The following MUC15 variants were observed in gnomAD, a reference collection of about 807,000 sequenced individuals.
MUC15 encodes mucin 15, cell surface associated.
A neutral mutation model predicts 24.0 loss-of-function variants in MUC15; 23 were observed. The observed-to-expected ratio is 0.96, with a 90% confidence interval of 0.69 to 1.36. The LOEUF (loss-of-function observed/expected upper bound fraction) is 1.36. Among genes scored for constraint, MUC15 ranks in the 40% most tolerant of loss-of-function variants. The probability of loss-of-function intolerance (pLI) is 0.00; values close to 1 mark genes in which losing one functional copy is unlikely to be tolerated. For synonymous variants in MUC15, 151 were observed against 156.3 expected (o/e 0.97, Z 0.25); for missense variants, 442 against 428.2 (o/e 1.03, Z -0.29).
At position 26,561,096 on chromosome 11, in the gene MUC15, T is replaced by C; in HGVS notation, c.1055A>G (p.Asp352Gly). 1 of 1,611,976 alleles carries C rather than the reference T, an allele frequency of 6.2e-7. No individual in the cohort carries two copies. Among genetic ancestry groups the C allele is most frequent in the Non-Finnish European group, 8.5e-7 (1 of 1,178,828 alleles). The change falls in exon 5 of 5, where the codon GAT (aspartate) becomes GGT (glycine). Residue 352 changes from aspartate (D) to glycine (G), a missense_variant. By Grantham distance (94) the Asp-to-Gly change is moderately conservative (BLOSUM62 -1). Transcript: ENST00000529533. ...EENARDGIPM[D>G]DIPPLRTSV ...AGAAGTACGAAGTGGAGGTATGTCATCCATAGGAATGCCATCACGTGCATT... is the reference window on the plus strand; with the variant it reads ...AGAAGTACGAAGTGGAGGTATGTCACCCATAGGAATGCCATCACGTGCATT...
intron 1 of MUC15, among the ~76,000 whole-genome samples, chr11:26,568,331 C>T (rs1850678223): frequency 1.3e-5 from 2 of 151,986 alleles, no homozygotes; most frequent in Non-Finnish European, 2.9e-5. Context: ...GGACACACAG[C>T]TAGTAACTGA....
intron 3 of MUC15, among the ~76,000 whole-genome samples, chr11:26,564,580 A>G (rs1189437953): frequency 1.3e-5 from 2 of 149,382 alleles, no homozygotes; most frequent in East Asian, 4.0e-4. Context: ...TAATCCTTAA[A>G]TGAAACATAA....
intron 1 of MUC15, among the ~76,000 whole-genome samples, chr11:26,570,381 C>T (rs747177093): frequency 6.6e-6 from 1 of 151,950 alleles, no homozygotes; most frequent in Non-Finnish European, 1.5e-5. Context: ...TTTTTGCTTC[C>T]TTTTAAATGC....
Position 26,565,760 on chromosome 11 carries a change from C to A in MUC15, c.180G>T (p.Gln60His), listed in dbSNP as rs1590549821. ...TTGTTTTAAAAACTTCTGCAATGTT[C>A]TGTGTTGTGTTTATGTCTTGATTTT... ...GKENQDINTT[Q>H]NIAEVFKTME... The change falls in exon 3 of 5, where the codon CAG (glutamine) becomes CAT (histidine). Residue 60 changes from glutamine (Q) to histidine (H), a missense_variant. By Grantham distance (24) the Gln-to-His change is conservative. Transcript: ENST00000529533. 6.2e-7 allele frequency: 1 copy of A among 1,613,292 alleles called. No individual in the cohort carries two copies. The highest frequency in any genetic ancestry group is 8.5e-7 in the Non-Finnish European group (1 of 1,179,536).
At position 26,561,056 on chromosome 11, in the gene MUC15, C is replaced by G. The variant is rs754657648; in HGVS notation, c.*9G>C. 18 of 1,599,444 alleles carry G rather than the reference C, an allele frequency of 1.1e-5. 1 individual carries two copies. In the South Asian group the frequency reaches 1.8e-4, roughly 16 times the overall value. On this transcript the variant is annotated 3_prime_UTR_variant, in exon 5 of 5. Coordinates refer to ENST00000529533, the MANE Select transcript of MUC15 (RefSeq NM_001135091.2). The stretch of plus-strand genomic sequence containing the variant: ...ACACTTGCTGTTTAACGCCTTTTTG[C>G]TGTTAGTTCTATACAGAAGTACGAA...
At position 26,559,571 on chromosome 11, in the gene MUC15, A is replaced by T; in HGVS notation, c.*1494T>A. 1 of 610,916 alleles carries T rather than the reference A, an allele frequency of 1.6e-6. No homozygotes were observed. Among genetic ancestry groups the T allele is most frequent in the Non-Finnish European group, 2.9e-6 (1 of 345,206 alleles). The allele number at this position is 610,916 out of a possible 1,614,324, so 37.8% of individuals were successfully genotyped here. A position where few individuals can be genotyped will look rare whatever the true frequency, so the allele number is the denominator to read the frequency against. On this transcript the variant is annotated 3_prime_UTR_variant, in exon 5 of 5. Transcript: ENST00000529533. ...ATCATGTGAAATTGTTGCAAGACCCATGAAAGGAATTCATATATAATATTT... is the reference window on the plus strand; with the variant it reads ...ATCATGTGAAATTGTTGCAAGACCCTTGAAAGGAATTCATATATAATATTT...
At position 26,565,613 on chromosome 11, in the gene MUC15, G is replaced by A. The variant is rs144078350; in HGVS notation, c.327C>T (p.His109=). Residue 109 remains histidine, a synonymous_variant, in exon 3 of 5, where the codon CAC becomes CAT. Coordinates refer to ENST00000529533, the MANE Select transcript of MUC15 (RefSeq NM_001135091.2). ...SPPLNLPNNS[H]GITDFSSNSS... ...AGTTACTGGAGAAATCTGTTATTCC[G>A]TGGCTGTTGTTGGGTAGATTCAAAG... is the stretch of plus-strand genomic sequence containing the variant. The A allele has an allele frequency of 3.4e-4, 555 of 1,612,976 alleles. No individual in the cohort carries two copies. The highest frequency in any genetic ancestry group is 7.5e-4 in the Admixed American group (45 of 59,806).
chr11:26,567,162 T>C (rs1850621795), intron 1 of MUC15, 23 bp from the exon 2 acceptor site: 2 of 1,361,058 alleles, frequency 1.5e-6, no homozygotes, highest in South Asian at 2.0e-5. Flanking sequence ...AGAGGCAATA[T>C]TTAAAGCCAA....
In MUC15 at chr11:26,563,192, C is replaced by G; in HGVS notation, c.849G>C (p.Val283=). The G allele has an allele frequency of 1.9e-6, 3 of 1,612,252 alleles. No individual in the cohort carries two copies. In the South Asian group the frequency reaches 3.3e-5, roughly 18 times the overall value. Reference sequence around the variant, plus strand: ...TCCTTTTTCCACACAACAAGTAGCCCACAAGAGTAAGCAATGAGACACCCA... The same window carrying G: ...TCCTTTTTCCACACAACAAGTAGCCGACAAGAGTAAGCAATGAGACACCCA... The part of the protein sequence containing the change: ...AILGVSLLTL[V]GYLLCGKRKT... Residue 283 remains valine (V), a synonymous_variant, in exon 4 of 5, where the codon GTG becomes GTC. Coordinates refer to ENST00000529533, the MANE Select transcript of MUC15 (RefSeq NM_001135091.2).
Position 26,559,792 on chromosome 11 carries a change from T to C in MUC15, c.*1273A>G, listed in dbSNP as rs1287157081. On this transcript the variant is annotated 3_prime_UTR_variant, in exon 5 of 5. Coordinates refer to ENST00000529533, the MANE Select transcript of MUC15 (RefSeq NM_001135091.2). ...ATGGCAATATGGGGTAAGTACTTTC[T>C]TCATTACTTTCTATCCCTTATTTTC... 1.2e-5 allele frequency: 19 copies of C among 1,576,876 alleles called. No individual in the cohort carries two copies. The highest frequency in any genetic ancestry group is 1.7e-5 in the Admixed American group (1 of 59,846).
At position 26,565,646 on chromosome 11, in the gene MUC15, A is replaced by G; in HGVS notation, c.294T>C (p.His98=). The change falls in exon 3 of 5, where the codon CAT becomes CAC. Residue 98 remains histidine, a synonymous_variant. Coordinates refer to ENST00000529533, the MANE Select transcript of MUC15 (RefSeq NM_001135091.2). ...TGTTGGGTAGATTCAAAGGAGGGGA[A>G]TGACTCGCCTTGAGATTTGAGGTGG... ...NITTSNLKAS[H]SPPLNLPNNS... The G allele has an allele frequency of 6.2e-7, 1 of 1,608,892 alleles. No individual in the cohort carries two copies. The highest frequency in any genetic ancestry group is 8.5e-7 in the Non-Finnish European group (1 of 1,176,286).
In MUC15 at chr11:26,563,269, CA is replaced by C; in HGVS notation, c.776-5del. ...ACTATTCCTGTATTTCTATTTTCTA[CA>C]GGACAAAAAAAATTTAAAGAAATAT... On this transcript the variant is annotated splice_polypyrimidine_tract_variant and splice_region_variant and intron_variant, in intron 3 of 4. Coordinates refer to ENST00000529533, the MANE Select transcript of MUC15 (RefSeq NM_001135091.2). The C allele has an allele frequency of 6.3e-7, 1 of 1,583,186 alleles. No homozygotes were observed. The highest frequency in any genetic ancestry group is 8.6e-7 in the Non-Finnish European group (1 of 1,169,136).
At chr11:26,564,986 C>A (rs74347211) in intron 3 of MUC15, among the ~76,000 whole-genome samples, 179 bp downstream of exon 3, 2 of 150,920 alleles carry the variant, frequency 1.3e-5, no homozygotes, top group Non-Finnish European at 3.0e-5. Flanking sequence ...TTCATTGAAG[C>A]CCTAAAACCA....
intron 3 of MUC15, among the ~76,000 whole-genome samples, chr11:26,564,196 A>C (rs1448143760): frequency 6.6e-6 from 1 of 151,756 alleles, no homozygotes; most frequent in African/African-American, 2.4e-5. Context: ...GATAGACAAA[A>C]GAGAGGAAGC....
In MUC15 at chr11:26,559,220, T is replaced by C. The variant is rs1850185185; in HGVS notation, c.*1845A>G. 1 of 152,738 alleles carries C rather than the reference T, an allele frequency of 6.5e-6. No homozygotes were observed. Among genetic ancestry groups the C allele is most frequent in the Non-Finnish European group, 1.5e-5 (1 of 68,394 alleles). 9.5% of individuals were successfully genotyped at this position (152,738 alleles called of 1,614,324 possible). ...TTAAGATGGGATTTATTACATCTTATAGCCATTATTGGACCCATTCTACAT... is the reference window on the plus strand; with the variant it reads ...TTAAGATGGGATTTATTACATCTTACAGCCATTATTGGACCCATTCTACAT... On this transcript the variant is annotated 3_prime_UTR_variant, in exon 5 of 5. Coordinates refer to ENST00000529533, the MANE Select transcript of MUC15 (RefSeq NM_001135091.2).
At chr11:26,566,903 C>T in intron 2 of MUC15, 149 bp downstream of exon 2, 2 of 561,802 alleles carry the variant, frequency 3.6e-6, no homozygotes, top group South Asian at 1.9e-4. Flanking sequence ...ACTGAATGGG[C>T]TGACTTAGGT....
In MUC15 at chr11:26,565,623, T is replaced by C. The variant is rs766073557; in HGVS notation, c.317A>G (p.Asn106Ser). 6.2e-7 allele frequency: 1 copy of C among 1,612,500 alleles called. No homozygotes were observed. Among genetic ancestry groups the C allele is most frequent in the East Asian group, 2.2e-5 (1 of 44,832 alleles). ...GAAATCTGTTATTCCGTGGCTGTTGTTGGGTAGATTCAAAGGAGGGGAATG... is the reference window on the plus strand; with the variant it reads ...GAAATCTGTTATTCCGTGGCTGTTGCTGGGTAGATTCAAAGGAGGGGAATG... ...ASHSPPLNLP[N>S]NSHGITDFSS... Residue 106 changes from asparagine (N) to serine (S), a missense_variant, in exon 3 of 5, where the codon AAC becomes AGC. Physicochemically the swap from Asn to Ser is conservative, Grantham distance 46. Coordinates refer to ENST00000529533, the MANE Select transcript of MUC15 (RefSeq NM_001135091.2).
intron 3 of MUC15, 89 bp downstream of exon 3, chr11:26,565,076 C>T: frequency 7.8e-7 from 1 of 1,285,170 alleles, no homozygotes; most frequent in Non-Finnish European, 1.0e-6. Context: ...TCTGTTTTTC[C>T]AGCATGGTGA....
At position 26,559,697 on chromosome 11, in the gene MUC15, T is replaced by G. The variant is rs1206531143; in HGVS notation, c.*1368A>C. On this transcript the variant is annotated 3_prime_UTR_variant, in exon 5 of 5. Coordinates refer to ENST00000529533, the MANE Select transcript of MUC15 (RefSeq NM_001135091.2). Reference sequence around the variant, plus strand: ...TTATAATCAATTTGCATGACTAATATTTCTGTTTGTTTTCTACTCAGGTGA... The same window carrying G: ...TTATAATCAATTTGCATGACTAATAGTTCTGTTTGTTTTCTACTCAGGTGA... 1 of 1,584,040 alleles carries G rather than the reference T, an allele frequency of 6.3e-7. No individual in the cohort carries two copies. Among genetic ancestry groups the G allele is most frequent in the Non-Finnish European group, 8.7e-7 (1 of 1,153,034 alleles).
Sources: gnomAD v4.1 joint callset for allele counts (sites outside exome capture counted in the v4.1 genomes callset) on GRCh38, gnomAD v4.1.1 for gene constraint, MANE v1.5 for transcripts, NCBI Gene and HGNC (gene_info 2026-07-23, HGNC 2026-07-21) for gene names.